Variants in IGSF10 observed in about 807,000 individuals in gnomAD.
IGSF10 encodes immunoglobulin superfamily member 10.
Under a neutral mutation model 128.2 loss-of-function variants are expected in IGSF10, and 126 were observed. That is an observed-to-expected ratio of 0.98 (90% confidence interval 0.85 to 1.14). The LOEUF is 1.14. Ranked by LOEUF, IGSF10 falls within the 50% of genes most tolerant of loss-of-function variation. IGSF10 has a pLI of 0.00. For missense variants in IGSF10, 3,295 were observed against 3,149.8 expected (o/e 1.05, Z -1.10); for synonymous variants, 1,185 against 1,146.2 (o/e 1.03, Z -0.68).
In IGSF10 at chr3:151,443,832, A is replaced by C. The variant is rs780766940; in HGVS notation, c.5115T>G (p.Asn1705Lys). 6.2e-7 allele frequency: 1 copy of C among 1,613,924 alleles called. No homozygotes were observed. The highest frequency in any genetic ancestry group is 1.3e-5 in the African/African-American group (1 of 74,926). Reference protein sequence around the residue: ...KQNSRVQVLPNGTLSIQRVEI... With the variant: ...KQNSRVQVLPKGTLSIQRVEI... Reference sequence around the variant, plus strand: ...CCACCCTCTGGATGGACAGGGTACCATTGGGGAGAACCTGGACCCTGCTAT... The same window carrying C: ...CCACCCTCTGGATGGACAGGGTACCCTTGGGGAGAACCTGGACCCTGCTAT... The change falls in exon 7 of 8, where the codon AAT (asparagine) becomes AAG (lysine). Residue 1705 changes from asparagine (N) to lysine (K), a missense_variant. Coordinates refer to ENST00000282466, the MANE Select transcript of IGSF10 (RefSeq NM_178822.5).
At position 151,438,162 on chromosome 3, in the gene IGSF10, G is replaced by C; in HGVS notation, c.6399C>G (p.His2133Gln). 6.2e-7 allele frequency: 1 copy of C among 1,614,192 alleles called. No homozygotes were observed. Among genetic ancestry groups the C allele is most frequent in the Non-Finnish European group, 8.5e-7 (1 of 1,180,036 alleles). Residue 2133 changes from histidine (H) to glutamine (Q), a missense_variant, in exon 8 of 8, where the codon CAC becomes CAG. Transcript: ENST00000282466. ...GGGGAGCAGCTGTTATAACTGTTAA[G>C]TGGACCTTCATTTCATCTTTCCCTA... is the stretch of plus-strand genomic sequence containing the variant. Reference protein sequence around the residue: ...NTLGKDEMKVHLTVITAAPRI... With the variant: ...NTLGKDEMKVQLTVITAAPRI...
chr3:151,441,487 A>T (rs1475391939), intron 7 of IGSF10, among the ~76,000 whole-genome samples: 1 of 152,216 alleles, frequency 6.6e-6, no homozygotes, highest in Non-Finnish European at 1.5e-5. Context: ...AAAGATCACA[A>T]GTTAAATTTA....
the IGSF10 span, among the ~76,000 whole-genome samples, chr3:151,512,895 C>T: frequency 6.6e-6 from 1 of 152,026 alleles, no homozygotes; most frequent in African/African-American, 2.4e-5. Flanking sequence ...ACACATACAC[C>T]CTCCCAAGAC....
Position 151,447,985 on chromosome 3 carries a change from C to CT in IGSF10, c.1995dup (p.Gly666ArgfsTer8). 2.5e-6 allele frequency: 4 copies of CT among 1,614,180 alleles called. No homozygotes were observed. The highest frequency in any genetic ancestry group is 1.6e-4 in the Middle Eastern group (1 of 6,062). On this transcript the variant is annotated frameshift_variant, in exon 6 of 8. Coordinates refer to ENST00000282466, the MANE Select transcript of IGSF10 (RefSeq NM_178822.5). LOFTEE classifies it high-confidence loss of function. The stretch of plus-strand genomic sequence containing the variant: ...CCATCATGCTCCAAGGGCCTTTGTC[C>CT]TTTCATCTTGACTGAAACTTGGAAA...
the IGSF10 span, among the ~76,000 whole-genome samples, chr3:151,512,730 G>GA: frequency 6.6e-6 from 1 of 151,872 alleles, no homozygotes; most frequent in East Asian, 1.9e-4. Context: ...GACTAATAAA[G>GA]AAAAAAAGAG....
At chr3:151,490,020 A>C in the IGSF10 span, among the ~76,000 whole-genome samples, 1 of 152,130 alleles carries the variant, frequency 6.6e-6, no homozygotes, top group Non-Finnish European at 1.5e-5. Context: ...GAAAACAAAC[A>C]AAATGGCAGT....
the IGSF10 span, among the ~76,000 whole-genome samples, chr3:151,568,948 A>T: frequency 1.3e-5 from 2 of 152,250 alleles, no homozygotes; most frequent in Non-Finnish European, 2.9e-5. Context: ...TTGACGTCAC[A>T]GTCATTGCAC....
the IGSF10 span, among the ~76,000 whole-genome samples, chr3:151,549,904 T>C: frequency 1.3e-5 from 2 of 152,160 alleles, no homozygotes; most frequent in Non-Finnish European, 2.9e-5. Flanking sequence ...TCTTCATTCA[T>C]TTCTGAGTGG....
chr3:151,514,815 A>G, the IGSF10 span, among the ~76,000 whole-genome samples: 2 of 152,344 alleles, frequency 1.3e-5, no homozygotes, highest in African/African-American at 4.8e-5. Context: ...AAGGATATGA[A>G]CAGACACTTC....
upstream of IGSF10, among the ~76,000 whole-genome samples, chr3:151,463,700 C>A (rs755717917): frequency 9.9e-5 from 15 of 151,800 alleles, no homozygotes; most frequent in Non-Finnish European, 1.6e-4. Context: ...GCACATGCCA[C>A]CATGGCTGGG....
At chr3:151,562,964 A>T in the IGSF10 span, among the ~76,000 whole-genome samples, 1 of 152,126 alleles carries the variant, frequency 6.6e-6, no homozygotes, top group African/African-American at 2.4e-5. Flanking sequence ...AGCAAACTCC[A>T]TTTAACCCAA....
the IGSF10 span, among the ~76,000 whole-genome samples, chr3:151,523,093 A>G: frequency 1.3e-5 from 2 of 152,108 alleles, no homozygotes; most frequent in East Asian, 3.8e-4. Flanking sequence ...AACATACCTA[A>G]GAATACAGCT....
chr3:151,597,567 G>C, the IGSF10 span, among the ~76,000 whole-genome samples: 1 of 152,118 alleles, frequency 6.6e-6, no homozygotes, highest in African/African-American at 2.4e-5. Context: ...TTTTAGGTTG[G>C]CACATAGAAA....
the IGSF10 span, among the ~76,000 whole-genome samples, chr3:151,601,702 A>G: frequency 1.1e-4 from 12 of 112,552 alleles, no homozygotes; most frequent in Admixed American, 4.4e-4. Context: ...TCTTTCTGTC[A>G]ATAAGTTGTT....
chr3:151,512,472 G>A, the IGSF10 span, among the ~76,000 whole-genome samples: 4 of 152,114 alleles, frequency 2.6e-5, no homozygotes, highest in South Asian at 2.1e-4. Flanking sequence ...AGTGTGTATC[G>A]GGAAGTTTAT....
chr3:151,563,704 TA>T, the IGSF10 span, among the ~76,000 whole-genome samples: 12 of 151,996 alleles, frequency 7.9e-5, no homozygotes, highest in East Asian at 9.6e-4. Flanking sequence ...TTGCAGCGTT[TA>T]AAAAAAATAT....
the IGSF10 span, among the ~76,000 whole-genome samples, chr3:151,510,950 A>G: frequency 6.6e-6 from 1 of 152,352 alleles, no homozygotes; most frequent in East Asian, 1.9e-4. Flanking sequence ...GCCTCCAAGA[A>G]ATATGGGACT....
At chr3:151,435,075 T>C (rs1332426464), downstream of IGSF10, 2 of 150,940 alleles carry the variant, frequency 1.3e-5, no homozygotes, top group African/African-American at 2.4e-5. Context: ...TTTTTTTTTT[T>C]TTTTTTTCTT....
rs751865036 is a variant in IGSF10 at position 151,446,128 on chromosome 3, T to C, written c.3853A>G (p.Thr1285Ala). The stretch of plus-strand genomic sequence containing the variant: ...GGTGGGAAGGGAAGCTCCTTCTTTG[T>C]TGGAAGACTTCCAGGATTGTGTGTT... ...TKTHNPGSLP[T>A]KKELPFPPLN... The change falls in exon 6 of 8, where the codon ACA becomes GCA. Residue 1285 changes from threonine to alanine, a missense_variant. Physicochemically the swap from Thr to Ala is moderately conservative, Grantham distance 58 (BLOSUM62 0). Transcript: ENST00000282466. The C allele has an allele frequency of 9.3e-6, 15 of 1,614,098 alleles. No homozygotes were observed. Among genetic ancestry groups the C allele is most frequent in the South Asian group, 7.7e-5 (7 of 91,080 alleles).
Sources: allele counts gnomAD v4.1 joint callset (sites outside exome capture counted in the v4.1 genomes callset), GRCh38; gene constraint gnomAD v4.1.1; transcripts MANE v1.5; gene names NCBI Gene and HGNC (gene_info 2026-07-23, HGNC 2026-07-21).